The following BCAT1 variants were observed in gnomAD, a reference collection of about 807,000 sequenced individuals.
BCAT1 encodes the protein branched chain amino acid transaminase 1.
In BCAT1, 48 loss-of-function variants were observed where a neutral mutation model predicts 52.4. That is an observed-to-expected ratio of 0.92 (90% CI 0.73 to 1.16). The LOEUF is 1.16. Among genes scored for constraint, BCAT1 ranks in the 50% most tolerant of loss-of-function variants. The probability of loss-of-function intolerance (pLI) is 0.00; values close to 1 mark genes in which losing one functional copy is unlikely to be tolerated. For missense variants in BCAT1, 451 were observed against 457.1 expected (o/e 0.99, Z 0.12); for synonymous variants, 167 against 161.3 (o/e 1.04, Z -0.27).
At chr12:24,854,363 A>G (rs916441548) in intron 5 of BCAT1, among the ~76,000 whole-genome samples, 8 of 145,188 alleles carry the variant, frequency 5.5e-5, no homozygotes, top group African/African-American at 2.0e-4. Context: ...AAAAGACAGA[A>G]GAACATTTTT....
At chr12:24,947,887 G>T (rs1003899679) in intron 1 of BCAT1, among the ~76,000 whole-genome samples, 4 of 152,240 alleles carry the variant, frequency 2.6e-5, no homozygotes, top group African/African-American at 9.6e-5. Context: ...AAGAAAAGTT[G>T]TGTGATCTCT....
intron 6 of BCAT1, among the ~76,000 whole-genome samples, chr12:24,848,174 C>T (rs1941400681): frequency 6.6e-6 from 1 of 152,132 alleles, no homozygotes; most frequent in African/African-American, 2.4e-5. Context: ...GATCATAGTC[C>T]ACCTGAGCCT....
chr12:24,855,891 G>T (rs1389729083), intron 5 of BCAT1, among the ~76,000 whole-genome samples: 1 of 151,744 alleles, frequency 6.6e-6, no homozygotes, highest in African/African-American at 2.4e-5. Flanking sequence ...GCCTTTCAAA[G>T]TGCTGAGGTT....
chr12:24,902,891 ACCGAGAC>A, intron 1 of BCAT1: 1 of 1,515,162 alleles, frequency 6.6e-7, no homozygotes, highest in Non-Finnish European at 8.8e-7. Flanking sequence ...CCCGCGAGCT[ACCGAGAC>A]CCGGGTTCCA....
chr12:24,882,599 T>TTA (rs1942535160), intron 3 of BCAT1, among the ~76,000 whole-genome samples: 1 of 145,376 alleles, frequency 6.9e-6, no homozygotes. Context: ...TATTATTTAT[T>TTA]TTTTTTTTTT....
intron 1 of BCAT1, among the ~76,000 whole-genome samples, chr12:24,926,604 T>C (rs1457778158): frequency 6.6e-6 from 1 of 152,200 alleles, no homozygotes; most frequent in Non-Finnish European, 1.5e-5. Flanking sequence ...TCCATTTTGT[T>C]CTGTACTAAG....
chr12:24,902,736 G>C (rs1347318100), intron 1 of BCAT1: 2 of 719,466 alleles, frequency 2.8e-6, no homozygotes, highest in Non-Finnish European at 4.3e-6. Context: ...TGGGCAGCGG[G>C]AACCTCGAAG....
Position 24,899,726 on chromosome 12 carries a change from A to T in BCAT1, c.78+2088T>A, listed in dbSNP as rs535672709. 5.9e-5 allele frequency among the ~76,000 whole-genome samples: 9 copies of T among 152,258 alleles called. No individual in the cohort carries two copies. The East Asian group carries it at 1.7e-3, about 29-fold the overall frequency. ...AGAGTAAAATCGTGTCATTTGTAGC[A>T]ACATGGATGGAACTGGAAGTCATTA... On this transcript the variant is annotated intron_variant, in intron 2 of 10. Coordinates refer to ENST00000261192, the MANE Select transcript of BCAT1 (RefSeq NM_005504.7).
intron 8 of BCAT1, chr12:24,834,241 T>C (rs933979042): frequency 4.1e-6 from 4 of 979,062 alleles, no homozygotes; most frequent in Non-Finnish European, 4.9e-6. Context: ...ATTGTATGTA[T>C]TTTTTTTCCT....
At chr12:24,876,683 C>T (rs890861751) in intron 5 of BCAT1, among the ~76,000 whole-genome samples, 7 of 152,122 alleles carry the variant, frequency 4.6e-5, no homozygotes, top group African/African-American at 1.7e-4. Context: ...TCCTTCCTAT[C>T]ATAAAGTTAA....
At position 24,815,944 on chromosome 12, in the gene BCAT1, G is replaced by A. The variant is rs1939858878; in HGVS notation, c.*2064C>T. The A allele has an allele frequency of 6.6e-6, 1 of 152,042 alleles. No individual in the cohort carries two copies. Among genetic ancestry groups the A allele is most frequent in the African/African-American group, 2.4e-5 (1 of 41,402 alleles). The allele number at this position is 152,042 out of a possible 1,614,324, so 9.4% of individuals were successfully genotyped here. A position where few individuals can be genotyped will look rare whatever the true frequency, so the allele number is the denominator to read the frequency against. ...TTAAATTACCTGCAACTTTTTCCTAGACTACTATATGAAGAATGAGGTCAA... is the reference window on the plus strand; with the variant it reads ...TTAAATTACCTGCAACTTTTTCCTAAACTACTATATGAAGAATGAGGTCAA... On this transcript the variant is annotated 3_prime_UTR_variant, in exon 11 of 11. Transcript: ENST00000261192.
At chr12:24,923,970 CAAACA>C (rs1324448048) in intron 1 of BCAT1, among the ~76,000 whole-genome samples, 2 of 152,094 alleles carry the variant, frequency 1.3e-5, no homozygotes, top group African/African-American at 4.8e-5. Flanking sequence ...TATTAAAAAT[CAAACA>C]AAACAAAACA....
At chr12:24,888,938 G>A (rs1302816829) in intron 3 of BCAT1, among the ~76,000 whole-genome samples, 1 of 152,158 alleles carries the variant, frequency 6.6e-6, no homozygotes, top group Non-Finnish European at 1.5e-5. Flanking sequence ...ACAGTAAGGA[G>A]CAGACAAGAT....
intron 10 of BCAT1, among the ~76,000 whole-genome samples, chr12:24,829,293 A>C (rs1940546251): frequency 3.9e-5 from 6 of 152,118 alleles, no homozygotes; most frequent in Admixed American, 3.9e-4. Context: ...CTGAGGTAGG[A>C]AAATTGCTTG....
intron 2 of BCAT1, among the ~76,000 whole-genome samples, chr12:24,901,157 A>G (rs1943092101): frequency 6.6e-6 from 1 of 152,148 alleles, no homozygotes; most frequent in African/African-American, 2.4e-5. Flanking sequence ...CCCTCTCTGA[A>G]CCGCCAGGAT....
At chr12:24,902,794 G>T in intron 1 of BCAT1, 2 of 1,122,776 alleles carry the variant, frequency 1.8e-6, no homozygotes, top group Non-Finnish European at 2.5e-6. Flanking sequence ...AGGGATGCGG[G>T]GAAGGGAAGA....
chr12:24,919,857 C>T (rs1423436218), intron 1 of BCAT1, among the ~76,000 whole-genome samples: 1 of 152,180 alleles, frequency 6.6e-6, no homozygotes, highest in African/African-American at 2.4e-5. Flanking sequence ...ATAATTGTCT[C>T]ATGTTACCTG....
At chr12:24,926,166 C>T (rs1445807521) in intron 1 of BCAT1, among the ~76,000 whole-genome samples, 3 of 151,412 alleles carry the variant, frequency 2.0e-5, no homozygotes, top group Admixed American at 6.6e-5. Context: ...CCCGGCCGCC[C>T]ATCGTCTGAG....
At chr12:24,888,788 G>A (rs1230092059) in intron 3 of BCAT1, among the ~76,000 whole-genome samples, 2 of 152,162 alleles carry the variant, frequency 1.3e-5, no homozygotes, top group Non-Finnish European at 2.9e-5. Flanking sequence ...CCTCAGTAAG[G>A]TTTTTGTTTT....
Sources: gnomAD v4.1 joint callset for allele counts (sites outside exome capture counted in the v4.1 genomes callset) on GRCh38, gnomAD v4.1.1 for gene constraint, MANE v1.5 for transcripts, NCBI Gene and HGNC (gene_info 2026-07-23, HGNC 2026-07-21) for gene names.